SYT1: variants seen among roughly 807,000 people sequenced by gnomAD.
SYT1 encodes synaptotagmin-1.
SYT1 carries 8 observed loss-of-function variants against 44.8 expected under a neutral mutation model. The ratio of observed to expected loss-of-function variants is 0.18; its 90% CI spans 0.10 to 0.32. The LOEUF is 0.32. SYT1 is among the 10% of genes least tolerant of loss of function. The probability of loss-of-function intolerance (pLI) is 1.00; values close to 1 mark genes in which losing one functional copy is unlikely to be tolerated. For synonymous variants in SYT1, 154 were observed against 188.8 expected, an observed-to-expected ratio of 0.82 and a Z score of 1.51; for missense variants, 286 against 509.3, an observed-to-expected ratio of 0.56 and a Z score of 4.22.
chr12:78,918,039 C>G (rs1876767399), intron 1 of SYT1, among the ~76,000 whole-genome samples: 1 of 152,038 alleles, frequency 6.6e-6, no homozygotes, highest in Non-Finnish European at 1.5e-5. Context: ...TCATTAGCCT[C>G]TGTAACTTCT....
intron 5 of SYT1, among the ~76,000 whole-genome samples, chr12:79,289,236 G>A (rs907969511): frequency 6.6e-6 from 1 of 152,200 alleles, no homozygotes; most frequent in Non-Finnish European, 1.5e-5. Flanking sequence ...GATAAGGTCT[G>A]ATGTTCCCAA....
At chr12:78,983,414 A>T (rs1350334270) in intron 2 of SYT1, among the ~76,000 whole-genome samples, 4 of 152,056 alleles carry the variant, frequency 2.6e-5, no homozygotes, top group Admixed American at 6.6e-5. Context: ...TCCAGTGATT[A>T]AGTGTCCCAT....
chr12:78,931,541 T>G (rs1030224202), intron 1 of SYT1, among the ~76,000 whole-genome samples: 1 of 152,190 alleles, frequency 6.6e-6, no homozygotes, highest in African/African-American at 2.4e-5. Context: ...AATGCAGGAC[T>G]TCAATTCGCA....
chr12:79,397,059 T>A (rs377193629), intron 9 of SYT1, among the ~76,000 whole-genome samples: 9 of 152,284 alleles, frequency 5.9e-5, no homozygotes, highest in Admixed American at 3.9e-4. Context: ...ACTTTATATA[T>A]GTTCGAGGAA....
At chr12:79,291,262 G>A (rs543233342) in intron 5 of SYT1, among the ~76,000 whole-genome samples, 5 of 152,072 alleles carry the variant, frequency 3.3e-5, no homozygotes, top group Non-Finnish European at 4.4e-5. Flanking sequence ...AATACAAAAC[G>A]AATTCTTATG....
chr12:79,118,710 G>A (rs1486319361), intron 3 of SYT1, among the ~76,000 whole-genome samples: 1 of 152,146 alleles, frequency 6.6e-6, no homozygotes. Context: ...AGTTTTACAG[G>A]TGTTAAGAAA....
chr12:79,288,925 G>T (rs1466799733), intron 5 of SYT1, among the ~76,000 whole-genome samples: 3 of 152,188 alleles, frequency 2.0e-5, no homozygotes, highest in Non-Finnish European at 4.4e-5. Context: ...ACAGCTGAGG[G>T]TATATCATTC....
intron 3 of SYT1, among the ~76,000 whole-genome samples, chr12:79,211,479 G>T (rs895866814): frequency 1.3e-5 from 2 of 151,786 alleles, no homozygotes; most frequent in African/African-American, 4.8e-5. Context: ...TAGGGTACAT[G>T]TGCACATTGT....
At chr12:79,366,998 C>T (rs1918181) in intron 9 of SYT1, among the ~76,000 whole-genome samples, 2,809 of 149,580 alleles carry the variant, frequency 0.019, 138 homozygotes, top group East Asian at 0.16. Flanking sequence ...CTTTGGCTAA[C>T]TTATGTTGGC....
chr12:79,161,824 T>C (rs1358428287), intron 3 of SYT1, among the ~76,000 whole-genome samples: 3 of 152,038 alleles, frequency 2.0e-5, no homozygotes, highest in Non-Finnish European at 4.4e-5. Context: ...TATACATTGC[T>C]CTTACTTCTT....
chr12:79,263,136 T>C (rs941135604), intron 4 of SYT1, among the ~76,000 whole-genome samples: 7 of 152,108 alleles, frequency 4.6e-5, no homozygotes, highest in African/African-American at 1.7e-4. Flanking sequence ...ATTAAAGAAA[T>C]TGTTCAGTGC....
intron 9 of SYT1, among the ~76,000 whole-genome samples, chr12:79,374,104 G>C (rs1025250605): frequency 1.3e-5 from 2 of 152,120 alleles, no homozygotes; most frequent in African/African-American, 2.4e-5. Flanking sequence ...CCACCCTCAG[G>C]AAACCTTGAG....
intron 3 of SYT1, among the ~76,000 whole-genome samples, chr12:79,094,129 A>C (rs1372164574): frequency 6.6e-6 from 1 of 151,774 alleles, no homozygotes; most frequent in Non-Finnish European, 1.5e-5. Context: ...TTATTTAAAG[A>C]ATATTCATTA....
chr12:79,091,723 G>A (rs376752746), intron 3 of SYT1, among the ~76,000 whole-genome samples: 2 of 151,812 alleles, frequency 1.3e-5, no homozygotes, highest in African/African-American at 4.8e-5. Context: ...TAAATTGTAG[G>A]TAAATAATAA....
chr12:78,873,864 T>C (rs987536441), intron 1 of SYT1, among the ~76,000 whole-genome samples: 1 of 151,678 alleles, frequency 6.6e-6, no homozygotes, highest in African/African-American at 2.4e-5. Flanking sequence ...GGCAATTCTT[T>C]GTGTTAAGAA....
chr12:78,933,076 T>A (rs946457181), intron 1 of SYT1, among the ~76,000 whole-genome samples: 28 of 152,300 alleles, frequency 1.8e-4, no homozygotes, highest in African/African-American at 6.5e-4. Flanking sequence ...AGCAGTCAAG[T>A]TGAGTAATAT....
chr12:78,965,702 C>G (rs1337774596), intron 1 of SYT1, among the ~76,000 whole-genome samples: 1 of 152,068 alleles, frequency 6.6e-6, no homozygotes, highest in East Asian at 1.9e-4. Flanking sequence ...GAGCCAAGAT[C>G]GGTCTCCAGG....
intron 7 of SYT1, among the ~76,000 whole-genome samples, chr12:79,296,788 T>A (rs2138869203): frequency 6.6e-6 from 1 of 152,292 alleles, no homozygotes; most frequent in Non-Finnish European, 1.5e-5. Context: ...CTGATGTTCT[T>A]CATCTTGTTG....
chr12:79,151,303 A>G (rs1444829729), intron 3 of SYT1, among the ~76,000 whole-genome samples: 1 of 152,186 alleles, frequency 6.6e-6, no homozygotes, highest in Non-Finnish European at 1.5e-5. Flanking sequence ...ATATTTACTA[A>G]GATTGACATT....
Sources: gnomAD v4.1 joint callset for allele counts (sites outside exome capture counted in the v4.1 genomes callset) on GRCh38, gnomAD v4.1.1 for gene constraint, MANE v1.5 for transcripts, NCBI Gene and HGNC (gene_info 2026-07-23, HGNC 2026-07-21) for gene names.